The following RSU1 variants were observed in gnomAD, a reference collection of about 807,000 sequenced individuals.
RSU1 encodes the protein rsu-1.
Under a neutral mutation model 31.1 loss-of-function variants are expected in RSU1, and 26 were observed. That is an observed-to-expected ratio of 0.84 (90% CI 0.61 to 1.16). The LOEUF (loss-of-function observed/expected upper bound fraction) is 1.16, where lower values mean the gene tolerates loss of function less well. Ranked by LOEUF, RSU1 falls within the 50% of genes most tolerant of loss-of-function variation. The pLI is 0.00. For synonymous variants in RSU1, 164 were observed against 136.3 expected (o/e 1.20, Z -1.41); for missense variants, 320 against 339.1 (o/e 0.94, Z 0.44).
chr10:16,691,259 G>A (rs996736287), intron 8 of RSU1, among the ~76,000 whole-genome samples: 2 of 152,002 alleles, frequency 1.3e-5, no homozygotes, highest in African/African-American at 4.8e-5. Flanking sequence ...GTTGAGTTGG[G>A]TTCTAATTGT....
At chr10:16,645,410 T>C (rs1359860600) in intron 8 of RSU1, among the ~76,000 whole-genome samples, 1 of 151,796 alleles carries the variant, frequency 6.6e-6, no homozygotes, top group Non-Finnish European at 1.5e-5. Context: ...ATCCTGAAAA[T>C]CCAAACATTT....
chr10:16,802,816 C>G (rs1322241165), intron 2 of RSU1, among the ~76,000 whole-genome samples: 7 of 152,058 alleles, frequency 4.6e-5, no homozygotes, highest in African/African-American at 1.7e-4. Context: ...GCAGAAAAAG[C>G]ACTGGAAAAA....
At chr10:16,720,515 C>T (rs956869825) in intron 7 of RSU1, among the ~76,000 whole-genome samples, 2 of 152,172 alleles carry the variant, frequency 1.3e-5, no homozygotes, top group African/African-American at 4.8e-5. Flanking sequence ...GGGAAGAACT[C>T]TAATTTTATA....
At chr10:16,614,444 G>C (rs900142586) in intron 8 of RSU1, among the ~76,000 whole-genome samples, 10 of 151,796 alleles carry the variant, frequency 6.6e-5, no homozygotes, top group African/African-American at 2.2e-4. Context: ...AATTAAATGA[G>C]GCACTATAGT....
chr10:16,774,043 T>C (rs56298845), intron 3 of RSU1, among the ~76,000 whole-genome samples: 30,536 of 151,354 alleles, frequency 0.2, 3,296 homozygotes, highest in African/African-American at 0.29. Context: ...GTGGTTTTGG[T>C]CTATGAGGCT....
intron 8 of RSU1, among the ~76,000 whole-genome samples, chr10:16,646,230 A>G (rs1425407871): frequency 2.0e-5 from 3 of 151,824 alleles, no homozygotes; most frequent in Admixed American, 2.0e-4. Context: ...GATAGGAGAA[A>G]GCCCGTTCCC....
intron 2 of RSU1, among the ~76,000 whole-genome samples, chr10:16,784,147 T>G (rs951874106): frequency 1.3e-5 from 2 of 149,344 alleles, no homozygotes; most frequent in African/African-American, 5.1e-5. Context: ...AGTAGTGCAA[T>G]TACAGCTCAT....
Position 16,756,191 on chromosome 10 carries a change from G to T in RSU1, c.282-1202C>A, listed in dbSNP as rs547268461. ...GATGGCCAGGGGCTGGAGGGAGGGGGAATGGAGAGGTGTGGTTTAATGGGC... is the reference window on the plus strand; with the variant it reads ...GATGGCCAGGGGCTGGAGGGAGGGGTAATGGAGAGGTGTGGTTTAATGGGC... On this transcript the variant is annotated intron_variant, in intron 4 of 8. Transcript: ENST00000345264. 3.9e-5 allele frequency among the ~76,000 whole-genome samples: 6 copies of T among 152,222 alleles called. No individual in the cohort carries two copies. In the East Asian group the frequency reaches 1.2e-3, roughly 29 times the overall value.
At chr10:16,725,984 T>C (rs1836385709) in intron 7 of RSU1, among the ~76,000 whole-genome samples, 1 of 151,614 alleles carries the variant, frequency 6.6e-6, no homozygotes, top group African/African-American at 2.4e-5. Flanking sequence ...CAGTTATATA[T>C]GTATAAAACA....
intron 8 of RSU1, among the ~76,000 whole-genome samples, chr10:16,679,885 T>G (rs921218699): frequency 1.7e-4 from 25 of 149,176 alleles, no homozygotes; most frequent in African/African-American, 4.7e-4. Context: ...TTTTTTTTTT[T>G]TTTTTTTTTT....
intron 7 of RSU1, among the ~76,000 whole-genome samples, chr10:16,712,079 C>T (rs1231036697): frequency 6.6e-6 from 1 of 152,144 alleles, no homozygotes; most frequent in Non-Finnish European, 1.5e-5. Flanking sequence ...TTAATCATGA[C>T]ATAATGACCT....
At chr10:16,609,866 T>G (rs988394155) in intron 8 of RSU1, among the ~76,000 whole-genome samples, 3 of 152,228 alleles carry the variant, frequency 2.0e-5, no homozygotes, top group African/African-American at 7.2e-5. Flanking sequence ...TAAACACACA[T>G]TAGTACGTCC....
chr10:16,740,639 A>G (rs1414870386), intron 7 of RSU1, among the ~76,000 whole-genome samples: 1 of 152,218 alleles, frequency 6.6e-6, no homozygotes, highest in Non-Finnish European at 1.5e-5. Flanking sequence ...TATAAAATCA[A>G]TACAGTATCC....
At chr10:16,736,631 A>C (rs966418796) in intron 7 of RSU1, among the ~76,000 whole-genome samples, 1 of 152,168 alleles carries the variant, frequency 6.6e-6, no homozygotes, top group African/African-American at 2.4e-5. Context: ...TAAAAACCAA[A>C]AACCAAAAAA....
intron 8 of RSU1, among the ~76,000 whole-genome samples, chr10:16,688,201 T>C (rs1439049684): frequency 6.6e-6 from 1 of 152,188 alleles, no homozygotes; most frequent in African/African-American, 2.4e-5. Flanking sequence ...TCTGATACTT[T>C]TTAGCAATAC....
At chr10:16,727,503 G>A (rs760506996) in intron 7 of RSU1, among the ~76,000 whole-genome samples, 7 of 152,154 alleles carry the variant, frequency 4.6e-5, no homozygotes, top group Middle Eastern at 3.4e-3. Context: ...TACTGATCAC[G>A]CGAGGTAACA....
intron 7 of RSU1, among the ~76,000 whole-genome samples, chr10:16,699,986 G>A (rs775937214): frequency 3.3e-5 from 5 of 152,134 alleles, no homozygotes; most frequent in Non-Finnish European, 5.9e-5. Flanking sequence ...ATTAAATCAT[G>A]CAAAACACTC....
intron 7 of RSU1, among the ~76,000 whole-genome samples, chr10:16,722,373 T>C (rs1366577145): frequency 6.6e-6 from 1 of 152,106 alleles, no homozygotes; most frequent in East Asian, 1.9e-4. Context: ...GGAAAAGGAT[T>C]TGATGAAGCA....
At chr10:16,812,816 G>A (rs746720943) in intron 2 of RSU1, among the ~76,000 whole-genome samples, 9 of 151,954 alleles carry the variant, frequency 5.9e-5, no homozygotes, top group Non-Finnish European at 1.0e-4. Flanking sequence ...AAGTTCCTCC[G>A]GCTACAGCTG....
Sources: gnomAD v4.1 joint callset for allele counts (sites outside exome capture counted in the v4.1 genomes callset) on GRCh38, gnomAD v4.1.1 for gene constraint, MANE v1.5 for transcripts, NCBI Gene and HGNC (gene_info 2026-07-23, HGNC 2026-07-21) for gene names.